RAB31: variants seen among roughly 807,000 people sequenced by gnomAD.
The protein encoded by RAB31 is ras-related protein Rab-31.
A neutral mutation model predicts 25.6 loss-of-function variants in RAB31; 21 were observed. That is an observed-to-expected ratio of 0.82 (90% CI 0.58 to 1.18). The LOEUF is 1.18. Among genes scored for constraint, RAB31 ranks in the 50% most tolerant of loss-of-function variants. The pLI, the probability that RAB31 is intolerant of heterozygous loss-of-function variation, is 0.00. For missense variants in RAB31, 196 were observed against 250.1 expected, an observed-to-expected ratio of 0.78 and a Z score of 1.46; for synonymous variants, 87 against 84.0, an observed-to-expected ratio of 1.04 and a Z score of -0.20.
chr18:9,813,503 T>A (rs2068585451), intron 3 of RAB31, among the ~76,000 whole-genome samples: 1 of 152,186 alleles, frequency 6.6e-6, no homozygotes, highest in Non-Finnish European at 1.5e-5. Flanking sequence ...GATTTCATGG[T>A]CAATAAACCA....
chr18:9,715,528 C>CTTT (rs1161797158), intron 1 of RAB31, among the ~76,000 whole-genome samples: 7 of 128,190 alleles, frequency 5.5e-5, no homozygotes, highest in Non-Finnish European at 9.8e-5. Context: ...CTCTCTCTCT[C>CTTT]TTTTTTTTTT....
intron 1 of RAB31, among the ~76,000 whole-genome samples, chr18:9,740,748 C>T (rs1440038560): frequency 6.6e-6 from 1 of 152,038 alleles, no homozygotes; most frequent in Non-Finnish European, 1.5e-5. Context: ...TAATGTTACC[C>T]AGAAGCAGAT....
At chr18:9,753,985 GA>G (rs33915669) in intron 1 of RAB31, among the ~76,000 whole-genome samples, 13,054 of 152,136 alleles carry the variant, frequency 0.086, 837 homozygotes, top group South Asian at 0.26. Flanking sequence ...CCAAGCCCGA[GA>G]AAAACTATCC....
Position 9,861,529 on chromosome 18 carries a change from A to G in RAB31, c.*2204A>G, listed in dbSNP as rs1452977553. Reference sequence around the variant, plus strand: ...CTTGGGCACACCAGGATTCACATAAACATTGTATCTTCTCTGTGGATGCTC... The same window carrying G: ...CTTGGGCACACCAGGATTCACATAAGCATTGTATCTTCTCTGTGGATGCTC... On this transcript the variant is annotated 3_prime_UTR_variant, in exon 7 of 7. Coordinates refer to ENST00000578921, the MANE Select transcript of RAB31 (RefSeq NM_006868.4). The G allele has an allele frequency of 6.6e-6, 1 of 152,142 alleles. No homozygotes were observed. The highest frequency in any genetic ancestry group is 1.5e-5 in the Non-Finnish European group (1 of 68,016). The allele number at this position is 152,142 out of a possible 1,614,324, so 9.4% of individuals were successfully genotyped here. A position where few individuals can be genotyped will look rare whatever the true frequency, so the allele number is the denominator to read the frequency against.
At chr18:9,729,884 A>G (rs751168530) in intron 1 of RAB31, among the ~76,000 whole-genome samples, 77 of 152,124 alleles carry the variant, frequency 5.1e-4, no homozygotes, top group Admixed American at 1.2e-3. Flanking sequence ...TTGTTTTTTT[A>G]CTCTTCTCTT....
At chr18:9,764,079 A>G (rs1345411379) in intron 1 of RAB31, among the ~76,000 whole-genome samples, 3 of 152,128 alleles carry the variant, frequency 2.0e-5, no homozygotes, top group Non-Finnish European at 4.4e-5. Flanking sequence ...ATCATTCTTT[A>G]TTTACAGCAT....
At chr18:9,826,182 G>C (rs1421892618) in intron 5 of RAB31, among the ~76,000 whole-genome samples, 1 of 141,362 alleles carries the variant, frequency 7.1e-6, no homozygotes, top group Non-Finnish European at 1.5e-5. Context: ...TTCAAGACCA[G>C]CCTGGCCAAC....
intron 2 of RAB31, among the ~76,000 whole-genome samples, chr18:9,782,789 C>T (rs1267606950): frequency 6.6e-6 from 1 of 152,148 alleles, no homozygotes; most frequent in Non-Finnish European, 1.5e-5. Flanking sequence ...CTCCACCTCC[C>T]AGGCTCAAGT....
At chr18:9,752,789 AG>A (rs1358023475) in intron 1 of RAB31, among the ~76,000 whole-genome samples, 1 of 152,242 alleles carries the variant, frequency 6.6e-6, no homozygotes. Context: ...TTTTACAACT[AG>A]GGATGTGCAA....
At chr18:9,780,803 G>A (rs921020935) in intron 2 of RAB31, among the ~76,000 whole-genome samples, 3 of 152,106 alleles carry the variant, frequency 2.0e-5, no homozygotes, top group African/African-American at 7.2e-5. Flanking sequence ...GGTGGTGCAC[G>A]CCTGTAATCC....
chr18:9,840,130 G>A (rs1006760319), intron 5 of RAB31, among the ~76,000 whole-genome samples: 37 of 152,292 alleles, frequency 2.4e-4, no homozygotes, highest in African/African-American at 8.7e-4. Flanking sequence ...GATCAGCTCC[G>A]GGAATGTCTG....
rs552769183 is a variant in RAB31, at chr18:9,780,381, T to C, written c.119+5024T>C. Among the ~76,000 whole-genome samples the C allele has an allele frequency of 3.3e-5, 5 of 152,166 alleles. No homozygotes were observed. In the South Asian group the frequency reaches 6.2e-4, roughly 19 times the overall value. ...TGATTATAAAAGTATTATATACTCATCATAAACAACTGAAAATGAAAAAAA... is the reference window on the plus strand; with the variant it reads ...TGATTATAAAAGTATTATATACTCACCATAAACAACTGAAAATGAAAAAAA... On this transcript the variant is annotated intron_variant, in intron 2 of 6. Transcript: ENST00000578921.
chr18:9,739,514 G>T (rs2068167300), intron 1 of RAB31, among the ~76,000 whole-genome samples: 1 of 148,928 alleles, frequency 6.7e-6, no homozygotes. Flanking sequence ...GGTGCAGGAT[G>T]AATTTACTGC....
intron 1 of RAB31, among the ~76,000 whole-genome samples, chr18:9,730,754 T>A (rs1018067052): frequency 6.6e-6 from 1 of 152,220 alleles, no homozygotes; most frequent in Non-Finnish European, 1.5e-5. Context: ...CATTCTGTAT[T>A]GTCAATGTGA....
chr18:9,708,508 T>A lies in RAB31; in HGVS notation c.39+64T>A. 1 of 1,388,442 alleles carries A rather than the reference T, an allele frequency of 7.2e-7. No individual in the cohort carries two copies. Among genetic ancestry groups the A allele is most frequent in the Non-Finnish European group, 9.7e-7 (1 of 1,032,720 alleles). 86.0% of individuals were successfully genotyped at this position (1,388,442 alleles called of 1,614,324 possible). ...GCGCTCTCGCGCCCCTTCGCTCCCC[T>A]ATTCCCTGCGCGCTCAGTCCCCGTG... On this transcript the variant is annotated intron_variant, in intron 1 of 6. Transcript: ENST00000578921. This position sits in a 1 kb window ranked among gnomAD's most constrained non-coding sequence, Gnocchi z 6.4.
chr18:9,727,145 G>A (rs2068099709), intron 1 of RAB31, among the ~76,000 whole-genome samples: 2 of 152,118 alleles, frequency 1.3e-5, no homozygotes, highest in South Asian at 4.1e-4. Flanking sequence ...AGATGGGCTG[G>A]GTAGGCTGTG....
At chr18:9,811,421 T>A (rs768811337) in intron 3 of RAB31, among the ~76,000 whole-genome samples, 7 of 152,194 alleles carry the variant, frequency 4.6e-5, no homozygotes, top group Non-Finnish European at 1.0e-4. Flanking sequence ...TACCATCATT[T>A]CAGTTTGGCA....
intron 5 of RAB31, among the ~76,000 whole-genome samples, chr18:9,838,756 G>A (rs2068717584): frequency 6.6e-6 from 1 of 152,176 alleles, no homozygotes; most frequent in South Asian, 2.1e-4. Context: ...GGCTCACCTC[G>A]CTGGAATACA....
chr18:9,758,566 G>T (rs974546302), intron 1 of RAB31, among the ~76,000 whole-genome samples: 5 of 152,056 alleles, frequency 3.3e-5, no homozygotes, highest in Non-Finnish European at 7.4e-5. Context: ...ATTGTCAGAT[G>T]CGGGCAGGTG....
Sources: allele counts gnomAD v4.1 joint callset (sites outside exome capture counted in the v4.1 genomes callset), GRCh38; gene constraint gnomAD v4.1.1; non-coding constraint Gnocchi (gnomAD v3.1); transcripts MANE v1.5; gene names NCBI Gene and HGNC (gene_info 2026-07-23, HGNC 2026-07-21).